RPTOR: variants seen among roughly 807,000 people sequenced by gnomAD.
RPTOR encodes the protein regulatory-associated protein of mTOR.
In RPTOR, 21 loss-of-function variants were observed where a neutral mutation model predicts 169.9. That is an observed-to-expected ratio of 0.12 (90% CI 0.09 to 0.18). The LOEUF is 0.18. Among genes scored for constraint, RPTOR ranks in the 10% least tolerant of loss-of-function variants. The pLI, the probability that RPTOR is intolerant of heterozygous loss-of-function variation, is 1.00. For missense variants in RPTOR, 1,133 were observed against 1,855.9 expected (o/e 0.61, Z 7.16); for synonymous variants, 732 against 753.2 (o/e 0.97, Z 0.46).
At chr17:80,670,656 C>T (rs149089969) in intron 3 of RPTOR, among the ~76,000 whole-genome samples, 11 of 152,118 alleles carry the variant, frequency 7.2e-5, no homozygotes, top group Non-Finnish European at 8.8e-5. Flanking sequence ...CTACAGCTCC[C>T]GGCCAGGTGG....
intron 20 of RPTOR, among the ~76,000 whole-genome samples, chr17:80,898,745 C>G (rs1043846768): frequency 6.8e-6 from 1 of 146,856 alleles, no homozygotes; most frequent in Non-Finnish European, 1.5e-5. Flanking sequence ...CTGCTCACCC[C>G]GCCCCTGCTC....
chr17:80,621,975 G>A (rs538486505), intron 1 of RPTOR, among the ~76,000 whole-genome samples: 22 of 152,328 alleles, frequency 1.4e-4, no homozygotes, highest in Non-Finnish European at 2.2e-4. Context: ...TCTCAGATTC[G>A]GCCCGTTAAT....
intron 24 of RPTOR, among the ~76,000 whole-genome samples, chr17:80,933,240 C>T (rs2068919082): frequency 6.6e-6 from 1 of 152,162 alleles, no homozygotes; most frequent in Non-Finnish European, 1.5e-5. Flanking sequence ...CATTCAAAAT[C>T]CATTTTAATA....
intron 6 of RPTOR, among the ~76,000 whole-genome samples, chr17:80,768,886 A>G (rs778760505): frequency 6.6e-6 from 1 of 152,208 alleles, no homozygotes; most frequent in African/African-American, 2.4e-5. Flanking sequence ...AAAAACTGTC[A>G]GTGCATTCAG....
At position 80,840,635 on chromosome 17, in the gene RPTOR, C is replaced by T. The variant is rs1467421758; in HGVS notation, c.1212+2638C>T. Among the ~76,000 whole-genome samples the T allele has an allele frequency of 7.1e-5, 6 of 84,862 alleles. 1 individual carries two copies. The highest frequency in any genetic ancestry group is 1.4e-4 in the Non-Finnish European group (5 of 35,816). 55.7% of individuals were successfully genotyped at this position (84,862 alleles called of 152,430 possible). A position where few individuals can be genotyped will look rare whatever the true frequency, so the allele number is the denominator to read the frequency against. On this transcript the variant is annotated intron_variant, in intron 10 of 33. Transcript: ENST00000306801. ...TCACCACACCACAGCTCACTCTCAC[C>T]GCACGGCAGCTCACTCTCACCACAC...
chr17:80,650,016 G>C lies in RPTOR; in HGVS notation c.348+6206G>C, dbSNP rs184475879. 2.6e-5 allele frequency among the ~76,000 whole-genome samples: 4 copies of C among 152,216 alleles called. No homozygotes were observed. The South Asian group carries it at 8.3e-4, about 32-fold the overall frequency. The stretch of plus-strand genomic sequence containing the variant: ...TAGACCAATTGCACCAGAGCATAAA[G>C]GTGTTGTCACCTACTGCTATCCCTC... On this transcript the variant is annotated intron_variant, in intron 3 of 33. Coordinates refer to ENST00000306801, the MANE Select transcript of RPTOR (RefSeq NM_020761.3).
chr17:80,875,882 G>T (rs1408002762), intron 13 of RPTOR, among the ~76,000 whole-genome samples: 1 of 124,110 alleles, frequency 8.1e-6, no homozygotes, highest in Non-Finnish European at 1.7e-5. Flanking sequence ...CCCGTGCCAC[G>T]CAGGGTGTGT....
intron 29 of RPTOR, among the ~76,000 whole-genome samples, chr17:80,958,206 C>CTCG (rs58504028): frequency 2.2e-5 from 3 of 137,130 alleles, no homozygotes; most frequent in Non-Finnish European, 3.2e-5. Context: ...CACCCCCCCC[C>CTCG]CCCACCACCA....
chr17:80,743,437 G>A (rs1264039372), intron 5 of RPTOR: 1 of 985,434 alleles, frequency 1.0e-6, no homozygotes, highest in East Asian at 1.1e-4. Context: ...GGTAGGAAAG[G>A]CATGTCAGTG....
intron 3 of RPTOR, among the ~76,000 whole-genome samples, chr17:80,686,662 G>C (rs1033637693): frequency 6.6e-6 from 1 of 152,118 alleles, no homozygotes; most frequent in East Asian, 1.9e-4. Flanking sequence ...TCCTGGGAAG[G>C]CTGGAAAGAA....
At position 80,841,612 on chromosome 17, in the gene RPTOR, C is replaced by T. The variant is rs577678465; in HGVS notation, c.1212+3615C>T. On this transcript the variant is annotated intron_variant, in intron 10 of 33. Coordinates refer to ENST00000306801, the MANE Select transcript of RPTOR (RefSeq NM_020761.3). ...AGCTCACTCTCACCGCACTGCAGCT[C>T]ACTCTCACCGCAGGGCAGCTGACAC... Among the ~76,000 whole-genome samples the T allele has an allele frequency of 2.9e-5, 4 of 139,740 alleles. No individual in the cohort carries two copies. In the South Asian group the frequency reaches 9.4e-4, roughly 33 times the overall value. The allele number at this position is 139,740 out of a possible 152,430, so 91.7% of individuals were successfully genotyped here.
chr17:80,768,788 G>A lies in RPTOR; in HGVS notation c.830+14603G>A, dbSNP rs941913670. 5.9e-5 allele frequency among the ~76,000 whole-genome samples: 9 copies of A among 152,256 alleles called. No individual in the cohort carries two copies. The Middle Eastern group carries it at 0.01, about 173-fold the overall frequency. ...TCTTCTTAAACTTCTGGGCATTTTA[G>A]TGGCAGTTTGGCTTCTTGTTTGATT... On this transcript the variant is annotated intron_variant, in intron 6 of 33. Coordinates refer to ENST00000306801, the MANE Select transcript of RPTOR (RefSeq NM_020761.3).
chr17:80,773,561 A>G (rs1011064042), intron 6 of RPTOR, among the ~76,000 whole-genome samples: 1 of 152,234 alleles, frequency 6.6e-6, no homozygotes, highest in Non-Finnish European at 1.5e-5. Flanking sequence ...GCTCCAAGGC[A>G]GGCCACTGGG....
chr17:80,800,884 G>C (rs1284748576), intron 7 of RPTOR, among the ~76,000 whole-genome samples: 1 of 152,232 alleles, frequency 6.6e-6, no homozygotes, highest in Non-Finnish European at 1.5e-5. Flanking sequence ...AACATTGATT[G>C]TGTACACAGC....
chr17:80,614,869 T>C (rs8074235), intron 1 of RPTOR, among the ~76,000 whole-genome samples: 150,132 of 152,344 alleles, frequency 0.99, 73,994 homozygotes, highest in East Asian at 1. Context: ...TTGCGTGTGC[T>C]GTTGCCTTCG....
chr17:80,852,197 A>G (rs985662778), intron 11 of RPTOR, among the ~76,000 whole-genome samples: 1 of 152,204 alleles, frequency 6.6e-6, no homozygotes, highest in African/African-American at 2.4e-5. Flanking sequence ...ACTCTGCCTC[A>G]TTGAACTTTG....
At chr17:80,703,397 C>T (rs916501589) in intron 3 of RPTOR, among the ~76,000 whole-genome samples, 4 of 152,088 alleles carry the variant, frequency 2.6e-5, no homozygotes, top group East Asian at 1.9e-4. Context: ...GGCTGGCAGG[C>T]GCTCACCCCA....
At chr17:80,902,763 C>T (rs967342584) in intron 20 of RPTOR, among the ~76,000 whole-genome samples, 3 of 152,260 alleles carry the variant, frequency 2.0e-5, no homozygotes, top group African/African-American at 7.2e-5. Flanking sequence ...CACACCATGT[C>T]ACTCCCACGC....
chr17:80,838,399 G>A (rs1567940661), intron 10 of RPTOR, among the ~76,000 whole-genome samples: 2 of 152,172 alleles, frequency 1.3e-5, no homozygotes, highest in Non-Finnish European at 2.9e-5. Flanking sequence ...CCTGGAGGGC[G>A]TTCTGCCCCC....
Sources: allele counts gnomAD v4.1 joint callset (sites outside exome capture counted in the v4.1 genomes callset), GRCh38; gene constraint gnomAD v4.1.1; transcripts MANE v1.5; gene names NCBI Gene and HGNC (gene_info 2026-07-23, HGNC 2026-07-21).